Variants in BRAF observed in about 807,000 individuals in gnomAD.
The protein encoded by BRAF is B-Raf proto-oncogene, serine/threonine kinase, also known as serine/threonine-protein kinase B-raf.
In BRAF, 16 loss-of-function variants were observed where a neutral mutation model predicts 104.6. The observed-to-expected ratio is 0.15, with a 90% CI of 0.10 to 0.23. The LOEUF (loss-of-function observed/expected upper bound fraction) is 0.23, where lower values mean the gene tolerates loss of function less well. BRAF is among the 10% of genes least tolerant of loss of function. BRAF has a pLI of 1.00. For missense variants in BRAF, 541 were observed against 937.3 expected, an observed-to-expected ratio of 0.58 and a Z score of 5.52; for synonymous variants, 310 against 341.6, an observed-to-expected ratio of 0.91 and a Z score of 1.02.
At chr7:140,811,597 A>G (rs1804270982) in intron 3 of BRAF, among the ~76,000 whole-genome samples, 1 of 152,224 alleles carries the variant, frequency 6.6e-6, no homozygotes, top group Non-Finnish European at 1.5e-5. Flanking sequence ...GATGTTGAGT[A>G]CAAAGCAGTT....
At chr7:140,882,612 A>T (rs1290171751) in intron 1 of BRAF, among the ~76,000 whole-genome samples, 1 of 152,034 alleles carries the variant, frequency 6.6e-6, no homozygotes. Flanking sequence ...ACCAGACCTT[A>T]GGTGATCTAC....
At chr7:140,856,860 A>C (rs1809840940) in intron 1 of BRAF, among the ~76,000 whole-genome samples, 1 of 152,234 alleles carries the variant, frequency 6.6e-6, no homozygotes, top group Non-Finnish European at 1.5e-5. Flanking sequence ...CATACTTCTC[A>C]ACATCAGTAA....
intron 14 of BRAF, among the ~76,000 whole-genome samples, chr7:140,756,783 T>C (rs374094087): frequency 1.3e-4 from 20 of 152,320 alleles, no homozygotes; most frequent in African/African-American, 4.1e-4. Flanking sequence ...GAACAACACA[T>C]TCTCTTGATA....
intron 1 of BRAF, among the ~76,000 whole-genome samples, chr7:140,876,173 A>G (rs2129098581): frequency 6.6e-6 from 1 of 152,364 alleles, no homozygotes; most frequent in Non-Finnish European, 1.5e-5. Context: ...GGTGGAGAGA[A>G]GATAAAGAGA....
At chr7:140,742,544 A>G (rs1797015299) in intron 17 of BRAF, among the ~76,000 whole-genome samples, 1 of 152,180 alleles carries the variant, frequency 6.6e-6, no homozygotes, top group Non-Finnish European at 1.5e-5. Context: ...ACTTACTGGT[A>G]TCCCCTTTGA....
intron 1 of BRAF, among the ~76,000 whole-genome samples, chr7:140,866,967 T>C (rs989762272): frequency 6.6e-6 from 1 of 152,220 alleles, no homozygotes; most frequent in Admixed American, 6.5e-5. Flanking sequence ...CTTTATGTGC[T>C]TTGTCCCTTT....
At chr7:140,775,776 T>C (rs2129017380) in intron 14 of BRAF, among the ~76,000 whole-genome samples, 1 of 152,352 alleles carries the variant, frequency 6.6e-6, no homozygotes, top group African/African-American at 2.4e-5. Flanking sequence ...GTAATAAGTA[T>C]TTTGGCCGAA....
intron 8 of BRAF, among the ~76,000 whole-genome samples, chr7:140,793,834 C>T (rs1358049970): frequency 2.0e-5 from 3 of 152,134 alleles, no homozygotes; most frequent in Non-Finnish European, 4.4e-5. Context: ...ACTATGTTGC[C>T]TAGGCTGGTC....
At chr7:140,910,179 A>T (rs971261698) in intron 1 of BRAF, among the ~76,000 whole-genome samples, 3 of 152,132 alleles carry the variant, frequency 2.0e-5, no homozygotes, top group Non-Finnish European at 2.9e-5. Flanking sequence ...AATTTTGTCA[A>T]ATTTTATTTC....
At chr7:140,892,134 A>G (rs1814296893) in intron 1 of BRAF, among the ~76,000 whole-genome samples, 1 of 152,092 alleles carries the variant, frequency 6.6e-6, no homozygotes, top group Non-Finnish European at 1.5e-5. Context: ...GGTGGCACAC[A>G]CCTGTAGTCC....
At chr7:140,793,511 CTTTTA>C (rs1017263348) in intron 8 of BRAF, among the ~76,000 whole-genome samples, 3 of 151,768 alleles carry the variant, frequency 2.0e-5, no homozygotes, top group East Asian at 1.9e-4. Flanking sequence ...ATAAGTTTTT[CTTTTA>C]TATTAATATT....
At chr7:140,796,006 A>T (rs767898895) in intron 7 of BRAF, among the ~76,000 whole-genome samples, 79 of 152,190 alleles carry the variant, frequency 5.2e-4, no homozygotes, top group Non-Finnish European at 2.1e-4. Flanking sequence ...TAGTCAATAA[A>T]GTTTTAGAAA....
rs1795439186 is a variant in BRAF at position 140,723,734 on chromosome 7, G to C, written c.*2760C>G. The C allele has an allele frequency of 1.3e-5, 14 of 1,049,100 alleles. No individual in the cohort carries two copies. Among genetic ancestry groups the C allele is most frequent in the African/African-American group, 1.7e-5 (1 of 60,186 alleles). 65.0% of individuals were successfully genotyped at this position (1,049,100 alleles called of 1,614,324 possible). A position where few individuals can be genotyped will look rare whatever the true frequency, so the allele number is the denominator to read the frequency against. On this transcript the variant is annotated 3_prime_UTR_variant, in exon 20 of 20. Transcript: ENST00000644969. ...ACCAAAAATAAAACACACTACAGAA[G>C]GCACTGCAGCCACTTTACAGACAAG...
chr7:140,758,756 A>G (rs547372650), intron 14 of BRAF, among the ~76,000 whole-genome samples: 2 of 152,314 alleles, frequency 1.3e-5, no homozygotes, highest in African/African-American at 4.8e-5. Context: ...GGTATTTTTC[A>G]CTTTTAAAAA....
At chr7:140,768,947 ATGT>A (rs1220852262) in intron 14 of BRAF, among the ~76,000 whole-genome samples, 2 of 152,196 alleles carry the variant, frequency 1.3e-5, no homozygotes, top group African/African-American at 2.4e-5. Context: ...AGCCCAGCAG[ATGT>A]TAGCACCAAT....
intron 1 of BRAF, among the ~76,000 whole-genome samples, chr7:140,858,172 T>C (rs1052232706): frequency 6.6e-6 from 1 of 152,154 alleles, no homozygotes; most frequent in South Asian, 2.1e-4. Flanking sequence ...AGATTAAAGA[T>C]GAAGGGGAAA....
At chr7:140,750,932 C>T (rs1033694717) in intron 16 of BRAF, among the ~76,000 whole-genome samples, 6 of 152,102 alleles carry the variant, frequency 3.9e-5, no homozygotes, top group African/African-American at 1.2e-4. Flanking sequence ...AGGTTTCTTT[C>T]TCTCCTAAGA....
At chr7:140,714,412 G>A (rs1447990343), downstream of BRAF, among the ~76,000 whole-genome samples, 2 of 152,170 alleles carry the variant, frequency 1.3e-5, no homozygotes, top group Non-Finnish European at 2.9e-5. Context: ...TAGTCACCCA[G>A]GCTGGAGGGG....
chr7:140,872,216 A>AAATAAAT (rs1811678504), intron 1 of BRAF, among the ~76,000 whole-genome samples: 1 of 130,112 alleles, frequency 7.7e-6, no homozygotes, highest in African/African-American at 2.9e-5. Flanking sequence ...ACTCCATCTC[A>AAATAAAT]AAATAAATAA....
Sources: gnomAD v4.1 joint callset for allele counts (sites outside exome capture counted in the v4.1 genomes callset) on GRCh38, gnomAD v4.1.1 for gene constraint, MANE v1.5 for transcripts, NCBI Gene and HGNC (gene_info 2026-07-23, HGNC 2026-07-21) for gene names.